The following GIT2 variants were observed in gnomAD, a reference collection of about 807,000 sequenced individuals.
GIT2 encodes ARF GTPase-activating protein GIT2.
In GIT2, 32 loss-of-function variants were observed where a neutral mutation model predicts 100.3. The observed-to-expected ratio is 0.32, with a 90% CI of 0.24 to 0.43. GIT2 has a LOEUF of 0.43. Ranked by LOEUF, GIT2 falls within the 20% of genes least tolerant of loss-of-function variation. GIT2 has a pLI of 1.00. For missense variants in GIT2, 737 were observed against 975.1 expected, an observed-to-expected ratio of 0.76 and a Z score of 3.25; for synonymous variants, 353 against 364.1, an observed-to-expected ratio of 0.97 and a Z score of 0.35.
intron 4 of GIT2, among the ~76,000 whole-genome samples, chr12:109,985,420 G>A (rs554031606): frequency 6.6e-6 from 1 of 151,314 alleles, no homozygotes; most frequent in African/African-American, 2.4e-5. Flanking sequence ...GATTAAAAAA[G>A]GGGGGGGAAA....
At chr12:109,946,858 C>T (rs555010489) in intron 15 of GIT2, among the ~76,000 whole-genome samples, 1 of 152,116 alleles carries the variant, frequency 6.6e-6, no homozygotes, top group African/African-American at 2.4e-5. Flanking sequence ...CTTAAAGGGG[C>T]ACATCCCTGT....
intron 8 of GIT2, among the ~76,000 whole-genome samples, chr12:109,966,397 A>C (rs2136469884): frequency 6.6e-6 from 1 of 151,576 alleles, no homozygotes; most frequent in Middle Eastern, 3.4e-3. Flanking sequence ...TAGTCCCAGC[A>C]ACTCGGGAGG....
At position 109,932,392 on chromosome 12, in the gene GIT2, T is replaced by A. The variant is rs183913433; in HGVS notation, c.*586A>T. 21 of 153,114 alleles carry A rather than the reference T, an allele frequency of 1.4e-4. No individual in the cohort carries two copies. The highest frequency in any genetic ancestry group is 4.1e-4 in the African/African-American group (17 of 41,532). 9.5% of individuals were successfully genotyped at this position (153,114 alleles called of 1,614,324 possible). A position where few individuals can be genotyped will look rare whatever the true frequency, so the allele number is the denominator to read the frequency against. ...TTAAATAACAGAACATGTAACAGGG[T>A]AAAACACTGAGAAGAAATGAACCAA... is the stretch of plus-strand genomic sequence containing the variant. On this transcript the variant is annotated 3_prime_UTR_variant, in exon 20 of 20. Transcript: ENST00000355312.
At chr12:109,995,872 T>G (rs1593181126) in intron 1 of GIT2, among the ~76,000 whole-genome samples, 2 of 152,182 alleles carry the variant, frequency 1.3e-5, no homozygotes, top group African/African-American at 2.4e-5. Flanking sequence ...TTCCTGTGGA[T>G]TGCCCAAGCC....
In GIT2 at chr12:109,947,956, A is replaced by C; in HGVS notation, c.1393-452T>G. ...CAAAAATGACAGCAGACACCATGGA[A>C]GCAGCACAAAGATGACTAGGGTTGC... On this transcript the variant is annotated intron_variant, in intron 14 of 19. Coordinates refer to ENST00000355312, the MANE Select transcript of GIT2 (RefSeq NM_057169.5). The surrounding 1 kb of genome is among the most constrained non-coding windows in gnomAD (Gnocchi z 4.3). The C allele has an allele frequency of 5.1e-6, 1 of 196,002 alleles. No individual in the cohort carries two copies. Among genetic ancestry groups the C allele is most frequent in the Non-Finnish European group, 9.3e-6 (1 of 107,074 alleles). 12.1% of individuals were successfully genotyped at this position (196,002 alleles called of 1,614,324 possible).
At chr12:109,940,832 T>C (rs1874433656) in intron 16 of GIT2, among the ~76,000 whole-genome samples, 1 of 150,580 alleles carries the variant, frequency 6.6e-6, no homozygotes, top group African/African-American at 2.5e-5. Flanking sequence ...TGAGATGAGA[T>C]CGTACTACTG....
chr12:109,945,111 C>T (rs1245389113), intron 16 of GIT2, 149 bp downstream of exon 16: 3 of 616,402 alleles, frequency 4.9e-6, no homozygotes, highest in African/African-American at 1.8e-5. Context: ...GAGTGTGAGC[C>T]TGATGCACTG....
chr12:109,955,140 T>C (rs1879059606), intron 12 of GIT2, among the ~76,000 whole-genome samples: 1 of 152,124 alleles, frequency 6.6e-6, no homozygotes, highest in African/African-American at 2.4e-5. Context: ...TTTTCTTTTT[T>C]TGAGACAGAG....
intron 7 of GIT2, 190 bp downstream of exon 7, chr12:109,980,762 T>G: frequency 1.7e-6 from 1 of 574,960 alleles, no homozygotes; most frequent in Non-Finnish European, 3.1e-6. Flanking sequence ...ATCTAAGGAG[T>G]TTTGTCCAAC....
At chr12:109,969,687 C>T (rs1229385985) in intron 7 of GIT2, among the ~76,000 whole-genome samples, 4 of 152,066 alleles carry the variant, frequency 2.6e-5, no homozygotes, top group Admixed American at 2.6e-4. Context: ...ACTAGGATTA[C>T]AGGCGTGAGC....
Position 109,967,460 on chromosome 12 carries a change from G to A in GIT2, c.762C>T (p.Asp254=). Reference sequence around the variant, plus strand: ...AACTGGTATTTCAATGAGCTTACCTGTCTGCCATTTGAGGTATTATAAAGT... The same window carrying A: ...AACTGGTATTTCAATGAGCTTACCTATCTGCCATTTGAGGTATTATAAAGT... ...GQHFIIPQMA[D]SSLDLSELAK... is the part of the protein sequence containing the mutation. Residue 254 remains aspartate, a splice_region_variant and synonymous_variant, in exon 8 of 20, where the codon GAC becomes GAT. Transcript: ENST00000355312. The A allele has an allele frequency of 6.3e-7, 1 of 1,593,062 alleles. No homozygotes were observed. The highest frequency in any genetic ancestry group is 8.6e-7 in the Non-Finnish European group (1 of 1,160,948).
Position 109,962,014 on chromosome 12 carries a change from C to T in GIT2, c.817-329G>A, listed in dbSNP as rs912995474. Among the ~76,000 whole-genome samples the T allele has an allele frequency of 7.9e-5, 12 of 152,188 alleles. No homozygotes were observed. Among genetic ancestry groups the T allele is most frequent in the African/African-American group, 2.4e-4 (10 of 41,450 alleles). On this transcript the variant is annotated intron_variant, in intron 9 of 19. Coordinates refer to ENST00000355312, the MANE Select transcript of GIT2 (RefSeq NM_057169.5). This position sits in a 1 kb window ranked among gnomAD's most constrained non-coding sequence, Gnocchi z 4.3. ...CATCCTGTAAGCCTCCTTTTCTGCA[C>T]TTAAAAGTGCTTATCAGTTCCCCAA... is the stretch of plus-strand genomic sequence containing the variant.
chr12:109,997,304 G>C (rs1889585030), upstream of GIT2: 2 of 151,982 alleles, frequency 1.3e-5, no homozygotes, highest in South Asian at 4.1e-4. Context: ...GCTTGAGCCT[G>C]GGAGGTGGAC....
chr12:109,939,213 T>G lies in GIT2; in HGVS notation c.1766A>C (p.Glu589Ala), dbSNP rs1264910983. Reference sequence around the variant, plus strand: ...GTTGGGAGTGTTGTCGTAGTCACTCTCAGGTGTGCTGTTCTGCTTCTCCAG... The same window carrying G: ...GTTGGGAGTGTTGTCGTAGTCACTCGCAGGTGTGCTGTTCTGCTTCTCCAG... ...SRLEKQNSTP[E>A]SDYDNTPNDM... The change falls in exon 17 of 20, where the codon GAG becomes GCG. Residue 589 changes from glutamate (E) to alanine (A), a missense_variant. By Grantham distance (107) the Glu-to-Ala change is moderately radical. Transcript: ENST00000355312. The G allele has an allele frequency of 1.2e-6, 2 of 1,610,644 alleles. No individual in the cohort carries two copies. The highest frequency in any genetic ancestry group is 4.5e-5 in the East Asian group (2 of 44,828).
rs1208925646 is a variant in GIT2 at position 109,934,933 on chromosome 12, C to T, written c.2004-848G>A. On this transcript the variant is annotated intron_variant, in intron 18 of 19. Coordinates refer to ENST00000355312, the MANE Select transcript of GIT2 (RefSeq NM_057169.5). This position sits in a 1 kb window ranked among gnomAD's most constrained non-coding sequence, Gnocchi z 4.5. Reference sequence around the variant, plus strand: ...TCTACTAAAAATACAAAAAAATTAGCTGGGCATTGTGGCGCATGCCTGTAA... The same window carrying T: ...TCTACTAAAAATACAAAAAAATTAGTTGGGCATTGTGGCGCATGCCTGTAA... Among the ~76,000 whole-genome samples the T allele has an allele frequency of 6.6e-6, 1 of 152,098 alleles. No individual in the cohort carries two copies. The highest frequency in any genetic ancestry group is 1.5e-5 in the Non-Finnish European group (1 of 68,018).
chr12:109,979,591 C>T (rs1315749912), intron 7 of GIT2, among the ~76,000 whole-genome samples: 1 of 151,968 alleles, frequency 6.6e-6, no homozygotes, highest in Non-Finnish European at 1.5e-5. Context: ...CTTTTTTGCA[C>T]TCATTATGTA....
chr12:109,978,981 C>T (rs1039939810), intron 7 of GIT2, among the ~76,000 whole-genome samples: 1 of 152,122 alleles, frequency 6.6e-6, no homozygotes, highest in Non-Finnish European at 1.5e-5. Context: ...CAAAAATGTT[C>T]ATATTTTTGT....
Position 109,938,283 on chromosome 12 carries a change from G to A in GIT2, c.2003+97C>T. On this transcript the variant is annotated intron_variant, in intron 18 of 19. Transcript: ENST00000355312. ...CTTGTTTTCAATGACCTTGAAGTCA[G>A]CATGCTGGGAATAGCTGCCATTAGG... is the stretch of plus-strand genomic sequence containing the variant. The A allele has an allele frequency of 3.7e-6, 3 of 813,678 alleles. No individual in the cohort carries two copies. In the South Asian group the frequency reaches 5.3e-5, roughly 14 times the overall value. 50.4% of individuals were successfully genotyped at this position (813,678 alleles called of 1,614,324 possible). A position where few individuals can be genotyped will look rare whatever the true frequency, so the allele number is the denominator to read the frequency against.
intron 15 of GIT2, 55 bp from the exon 16 acceptor site, chr12:109,945,404 A>T: frequency 1.2e-6 from 1 of 852,536 alleles, no homozygotes; most frequent in Admixed American, 1.9e-5. Context: ...CCAAAAACCT[A>T]CCACCTTGCC....
Sources: allele counts gnomAD v4.1 joint callset (sites outside exome capture counted in the v4.1 genomes callset), GRCh38; gene constraint gnomAD v4.1.1; non-coding constraint Gnocchi (gnomAD v3.1); transcripts MANE v1.5; gene names NCBI Gene and HGNC (gene_info 2026-07-23, HGNC 2026-07-21).